MLIP: variants seen among roughly 807,000 people sequenced by gnomAD.
The protein encoded by MLIP is muscular LMNA-interacting protein.
In MLIP, 79 loss-of-function variants were observed where a neutral mutation model predicts 84.8. The observed-to-expected ratio is 0.93, with a 90% confidence interval of 0.78 to 1.12. The LOEUF (loss-of-function observed/expected upper bound fraction) is 1.12, where lower values mean the gene tolerates loss of function less well. Among genes scored for constraint, MLIP ranks in the 50% most tolerant of loss-of-function variants. The pLI, the probability that MLIP is intolerant of heterozygous loss-of-function variation, is 0.00. For missense variants in MLIP, 1,257 were observed against 1,160.6 expected (o/e 1.08, Z -1.21); for synonymous variants, 504 against 463.0 (o/e 1.09, Z -1.14).
At chr6:54,184,253 C>T (rs1228596068) in intron 9 of MLIP, among the ~76,000 whole-genome samples, 2 of 152,178 alleles carry the variant, frequency 1.3e-5, no homozygotes, top group African/African-American at 2.4e-5. Flanking sequence ...AGCATCTTAA[C>T]GGTATCAAAC....
intron 5 of MLIP, among the ~76,000 whole-genome samples, chr6:54,155,623 G>A (rs999766881): frequency 6.6e-6 from 1 of 152,018 alleles, no homozygotes; most frequent in African/African-American, 2.4e-5. Context: ...CCATATATTT[G>A]ACTAAAAAGT....
intron 1 of MLIP, among the ~76,000 whole-genome samples, chr6:54,037,028 T>C (rs1764484777): frequency 2.0e-5 from 3 of 152,034 alleles, no homozygotes; most frequent in Admixed American, 2.0e-4. Context: ...AGAAATACAG[T>C]AGATGTTTGT....
chr6:54,210,571 G>C (rs1779375005), intron 11 of MLIP, among the ~76,000 whole-genome samples: 2 of 151,662 alleles, frequency 1.3e-5, no homozygotes, highest in Admixed American at 6.6e-5. Flanking sequence ...GCTTCCCCTT[G>C]AGTCACTTTG....
Position 54,136,820 on chromosome 6 carries a change from G to A in MLIP, c.751G>A (p.Glu251Lys), listed in dbSNP as rs1771837034. 4.6e-6 allele frequency: 7 copies of A among 1,530,716 alleles called. No individual in the cohort carries two copies. The highest frequency in any genetic ancestry group is 2.7e-5 in the African/African-American group (2 of 72,986). 94.8% of individuals were successfully genotyped at this position (1,530,716 alleles called of 1,614,324 possible). Residue 251 changes from glutamate (E) to lysine (K), a missense_variant, in exon 4 of 14, where the codon GAG becomes AAG. Physicochemically the swap from Glu to Lys is moderately conservative, Grantham distance 56 (BLOSUM62 1). Transcript: ENST00000502396. ...PNTPPDPVNL[E>K]GASVLEEFHT... Reference sequence around the variant, plus strand: ...CACACCACCCGACCCAGTTAACCTCGAGGGAGCCTCTGTCCTAGAGGAGTT... The same window carrying A: ...CACACCACCCGACCCAGTTAACCTCAAGGGAGCCTCTGTCCTAGAGGAGTT...
chr6:54,183,493 T>C (rs1293873286), intron 9 of MLIP, among the ~76,000 whole-genome samples: 1 of 152,070 alleles, frequency 6.6e-6, no homozygotes, highest in Non-Finnish European at 1.5e-5. Context: ...AGGTGCCTTA[T>C]TTCAGACAAA....
chr6:54,060,088 G>A (rs893922173), intron 1 of MLIP, among the ~76,000 whole-genome samples: 8 of 152,204 alleles, frequency 5.3e-5, no homozygotes, highest in Admixed American at 3.9e-4. Context: ...TAAATATAGA[G>A]AGAGTGGAAA....
intron 11 of MLIP, chr6:54,216,176 T>G: frequency 1.0e-6 from 1 of 985,280 alleles, no homozygotes; most frequent in Non-Finnish European, 1.2e-6. Context: ...TGTTTCTTGT[T>G]ATCATTTCCT....
At chr6:54,111,407 G>A, upstream of MLIP, 5 of 1,528,086 alleles carry the variant, frequency 3.3e-6, no homozygotes, top group Non-Finnish European at 4.4e-6. Context: ...GTGAGTGTGT[G>A]TGTGTTGTTT....
intron 1 of MLIP, among the ~76,000 whole-genome samples, chr6:54,048,171 A>T (rs997415692): frequency 6.6e-6 from 1 of 152,192 alleles, no homozygotes. Context: ...GATGTCTGTC[A>T]GTAGGTGGCT....
intron 11 of MLIP, among the ~76,000 whole-genome samples, chr6:54,208,284 G>T (rs960587368): frequency 2.0e-5 from 3 of 152,066 alleles, no homozygotes; most frequent in African/African-American, 7.2e-5. Context: ...AGATTAGAAA[G>T]TTCAAAAATT....
chr6:54,138,312 A>G (rs756712257), intron 4 of MLIP, 26 bp downstream of exon 4: 2 of 1,499,122 alleles, frequency 1.3e-6, no homozygotes, highest in African/African-American at 1.4e-5. Context: ...TGCATGGTGC[A>G]TGCTTATTTT....
At position 54,251,441 on chromosome 6, in the gene MLIP, C is replaced by CATATATATATATAT. The variant is rs148476876; in HGVS notation, c.2923-5854_2923-5841dup. Among the ~76,000 whole-genome samples the CATATATATATATAT allele has an allele frequency of 2.0e-3, 177 of 88,904 alleles. 6 individuals carry two copies. Among genetic ancestry groups the CATATATATATATAT allele is most frequent in the African/African-American group, 0.011 (155 of 14,144 alleles). The allele number at this position is 88,904 out of a possible 152,430, so 58.3% of individuals were successfully genotyped here. ...TATCTCCAAAGTGAATGAAACAAGC[C>CATATATATATATAT]ATATATATATATATATATATATATA... On this transcript the variant is annotated intron_variant, in intron 12 of 13. Transcript: ENST00000502396.
At chr6:54,033,188 ATAGG>A in intron 1 of MLIP, among the ~76,000 whole-genome samples, 1 of 152,262 alleles carries the variant, frequency 6.6e-6, no homozygotes, top group African/African-American at 2.4e-5. Flanking sequence ...GTTCTAAGAA[ATAGG>A]TAAAGTACTT....
chr6:54,070,350 G>A (rs1355543904), intron 1 of MLIP, among the ~76,000 whole-genome samples: 1 of 152,030 alleles, frequency 6.6e-6, no homozygotes, highest in East Asian at 1.9e-4. Flanking sequence ...CATGTTTAAT[G>A]TCCCAGATAA....
chr6:54,035,459 C>T (rs1396264745), intron 1 of MLIP, among the ~76,000 whole-genome samples: 1 of 152,032 alleles, frequency 6.6e-6, no homozygotes, highest in Non-Finnish European at 1.5e-5. Context: ...AATGGGTTTT[C>T]ATTTCTCTGG....
intron 3 of MLIP, among the ~76,000 whole-genome samples, chr6:54,125,906 AG>A (rs879449926): frequency 6.6e-6 from 1 of 151,746 alleles, no homozygotes; most frequent in Non-Finnish European, 1.5e-5. Context: ...TTATTTCTGT[AG>A]GCTTCACTGA....
chr6:54,064,957 A>G lies in MLIP; in HGVS notation c.63+45866A>G, dbSNP rs1323663747. On this transcript the variant is annotated intron_variant, in intron 1 of 12. Transcript: ENST00000274897. ...TCTGGTTTAAGAGTAACCTACCAAC[A>G]TACAACAACAACCACAGAAAACACA... is the stretch of plus-strand genomic sequence containing the variant. 2.0e-5 allele frequency among the ~76,000 whole-genome samples: 2 copies of G among 99,712 alleles called. 1 individual carries two copies. Among genetic ancestry groups the G allele is most frequent in the Non-Finnish European group, 5.7e-5 (2 of 34,816 alleles). The allele number at this position is 99,712 out of a possible 152,430, so 65.4% of individuals were successfully genotyped here. A position where few individuals can be genotyped will look rare whatever the true frequency, so the allele number is the denominator to read the frequency against.
At chr6:54,247,050 C>T (rs1430233180) in intron 12 of MLIP, among the ~76,000 whole-genome samples, 6 of 152,024 alleles carry the variant, frequency 3.9e-5, no homozygotes, top group Admixed American at 6.6e-5. Flanking sequence ...AGTCCTTGAC[C>T]CAAGAAAGTT....
intron 12 of MLIP, among the ~76,000 whole-genome samples, chr6:54,242,698 TTAAATC>T (rs895638320): frequency 1.3e-5 from 2 of 152,164 alleles, no homozygotes; most frequent in Non-Finnish European, 2.9e-5. Flanking sequence ...CTGTAAATAT[TTAAATC>T]TAAAGATGTG....
Sources: gnomAD v4.1 joint callset for allele counts (sites outside exome capture counted in the v4.1 genomes callset) on GRCh38, gnomAD v4.1.1 for gene constraint, MANE v1.5 for transcripts, NCBI Gene and HGNC (gene_info 2026-07-23, HGNC 2026-07-21) for gene names.